Variants in ADD2 observed in about 807,000 individuals in gnomAD.
ADD2 encodes adducin 2.
ADD2 carries 23 observed loss-of-function variants against 83.0 expected under a neutral mutation model. The ratio of observed to expected loss-of-function variants is 0.28; its 90% CI spans 0.20 to 0.39. ADD2 has a LOEUF of 0.39. Ranked by LOEUF, ADD2 falls within the 10% of genes least tolerant of loss-of-function variation. ADD2 has a pLI of 1.00. For missense variants in ADD2, 758 were observed against 944.9 expected (o/e 0.80, Z 2.59); for synonymous variants, 375 against 375.4 (o/e 1.00, Z 0.01).
chr2:70,728,014 G>A (rs1384940362), intron 1 of ADD2, among the ~76,000 whole-genome samples: 1 of 152,196 alleles, frequency 6.6e-6, no homozygotes, highest in East Asian at 1.9e-4. Context: ...ATTTGTAGGG[G>A]CCTTTTGTTG....
At chr2:70,707,185 G>C (rs1671950297) in intron 2 of ADD2, among the ~76,000 whole-genome samples, 1 of 152,208 alleles carries the variant, frequency 6.6e-6, no homozygotes, top group Non-Finnish European at 1.5e-5. Flanking sequence ...CTGTTTTTCT[G>C]AAACTTGTTT....
intron 10 of ADD2, among the ~76,000 whole-genome samples, chr2:70,683,230 C>T (rs561810007): frequency 6.6e-6 from 1 of 151,802 alleles, no homozygotes; most frequent in Non-Finnish European, 1.5e-5. Context: ...TGTTTCACTG[C>T]ATTAGCCAGG....
At chr2:70,745,627 G>A (rs1406087220) in intron 1 of ADD2, among the ~76,000 whole-genome samples, 3 of 152,190 alleles carry the variant, frequency 2.0e-5, no homozygotes, top group African/African-American at 7.2e-5. Context: ...CCAGACTATA[G>A]CCTCACCAAA....
At chr2:70,740,788 C>T (rs1172982268) in intron 1 of ADD2, among the ~76,000 whole-genome samples, 1 of 152,198 alleles carries the variant, frequency 6.6e-6, no homozygotes, top group African/African-American at 2.4e-5. Context: ...CAACCTCCGC[C>T]TCCCGGCTTC....
intron 1 of ADD2, among the ~76,000 whole-genome samples, chr2:70,731,657 C>A (rs990663085): frequency 6.6e-6 from 1 of 152,318 alleles, no homozygotes; most frequent in African/African-American, 2.4e-5. Context: ...CTAATCCCCT[C>A]ATTTCCTCAA....
Position 70,663,570 on chromosome 2 carries a change from G to A in ADD2, c.2036C>T (p.Thr679Ile). The A allele has an allele frequency of 6.2e-7, 1 of 1,614,158 alleles. No homozygotes were observed. Among genetic ancestry groups the A allele is most frequent in the Non-Finnish European group, 8.5e-7 (1 of 1,180,044 alleles). The change falls in exon 16 of 16, where the codon ACC (threonine) becomes ATC (isoleucine). Residue 679 changes from threonine (T) to isoleucine (I), a missense_variant. Thr to Ile is a moderately conservative substitution (Grantham distance 89). Transcript: ENST00000264436. ...GACCGACTCGGTTTTGTCCTTAGAG[G>A]TATCAACATCCGTGTCAGCACTGGT... ...MTTSADTDVD[T>I]SKDKTESVTS...
intron 1 of ADD2, among the ~76,000 whole-genome samples, chr2:70,753,964 G>A (rs555088689): frequency 1.0e-3 from 154 of 152,278 alleles, no homozygotes; most frequent in Non-Finnish European, 1.7e-3. Flanking sequence ...AGCAGAACAA[G>A]GCTAGACAAG....
intron 1 of ADD2, among the ~76,000 whole-genome samples, chr2:70,763,894 CT>C (rs879960315): frequency 3.8e-4 from 55 of 145,808 alleles, no homozygotes; most frequent in Admixed American, 3.4e-4. Flanking sequence ...ATTTTCTTTT[CT>C]TTTTTTTTTT....
chr2:70,732,894 A>G (rs1673356621), intron 1 of ADD2, among the ~76,000 whole-genome samples: 1 of 152,172 alleles, frequency 6.6e-6, no homozygotes, highest in Non-Finnish European at 1.5e-5. Flanking sequence ...CGAACTTCAC[A>G]AGGGGAAAGA....
intron 1 of ADD2, among the ~76,000 whole-genome samples, chr2:70,763,014 C>A (rs1675199595): frequency 6.6e-6 from 1 of 151,930 alleles, no homozygotes; most frequent in Admixed American, 6.5e-5. Flanking sequence ...CCAAAAATAT[C>A]ATTTGAGACT....
Position 70,704,247 on chromosome 2 carries a change from C to T in ADD2, c.322+74G>A. On this transcript the variant is annotated intron_variant, in intron 4 of 15. Transcript: ENST00000264436. Reference sequence around the variant, plus strand: ...TAGCCTGGCAACCAGATGCTTCTTGCTGCTCCTCCCTCTCTTCCCCACCCC... The same window carrying T: ...TAGCCTGGCAACCAGATGCTTCTTGTTGCTCCTCCCTCTCTTCCCCACCCC... 2.1e-6 allele frequency: 3 copies of T among 1,461,466 alleles called. No homozygotes were observed. The South Asian group carries it at 3.7e-5, about 18-fold the overall frequency. The allele number at this position is 1,461,466 out of a possible 1,614,324, so 90.5% of individuals were successfully genotyped here. A position where few individuals can be genotyped will look rare whatever the true frequency, so the allele number is the denominator to read the frequency against.
intron 1 of ADD2, among the ~76,000 whole-genome samples, chr2:70,738,853 G>T (rs1673722592): frequency 6.6e-6 from 1 of 152,068 alleles, no homozygotes; most frequent in African/African-American, 2.4e-5. Flanking sequence ...GATTGAAACT[G>T]GACCCCTTCC....
intron 1 of ADD2, among the ~76,000 whole-genome samples, chr2:70,718,209 A>G (rs1472405317): frequency 6.6e-6 from 1 of 152,180 alleles, no homozygotes; most frequent in Non-Finnish European, 1.5e-5. Context: ...GCATGAATGG[A>G]CTGAGTATTC....
chr2:70,733,527 C>T (rs1235582570), intron 1 of ADD2, among the ~76,000 whole-genome samples: 4 of 152,216 alleles, frequency 2.6e-5, no homozygotes, highest in Non-Finnish European at 5.9e-5. Context: ...GTTTAATTTC[C>T]TCCCAGCAGC....
chr2:70,699,787 AAAC>A (rs1553373292), intron 4 of ADD2, among the ~76,000 whole-genome samples: 1 of 151,184 alleles, frequency 6.6e-6, no homozygotes, highest in Non-Finnish European at 1.5e-5. Flanking sequence ...CTCAAAAACA[AAAC>A]AAAAAAAACC....
chr2:70,736,526 A>G (rs1425994733), intron 1 of ADD2, among the ~76,000 whole-genome samples: 4 of 152,244 alleles, frequency 2.6e-5, no homozygotes, highest in African/African-American at 7.2e-5. Flanking sequence ...TGGTATAAGC[A>G]TGACAGTCCC....
chr2:70,740,083 A>G (rs1429789765), intron 1 of ADD2, among the ~76,000 whole-genome samples: 1 of 152,234 alleles, frequency 6.6e-6, no homozygotes, highest in Non-Finnish European at 1.5e-5. Flanking sequence ...GCACCAGGAA[A>G]AAATAAACAA....
intron 1 of ADD2, among the ~76,000 whole-genome samples, chr2:70,745,667 T>G (rs565938703): frequency 6.6e-6 from 1 of 152,310 alleles, no homozygotes; most frequent in African/African-American, 2.4e-5. Context: ...CTAGGAACAG[T>G]AGATTGCTTG....
chr2:70,702,520 T>C (rs1371230239), intron 4 of ADD2, among the ~76,000 whole-genome samples: 1 of 152,114 alleles, frequency 6.6e-6, no homozygotes, highest in Non-Finnish European at 1.5e-5. Flanking sequence ...AATTGACAAA[T>C]GCATAATTAA....
Sources: gnomAD v4.1 joint callset for allele counts (sites outside exome capture counted in the v4.1 genomes callset) on GRCh38, gnomAD v4.1.1 for gene constraint, MANE v1.5 for transcripts, NCBI Gene and HGNC (gene_info 2026-07-23, HGNC 2026-07-21) for gene names.